The following SH3RF3 variants were observed in gnomAD, a reference collection of about 807,000 sequenced individuals.
SH3RF3 encodes E3 ubiquitin-protein ligase SH3RF3.
A neutral mutation model predicts 66.3 loss-of-function variants in SH3RF3; 29 were observed. That is an observed-to-expected ratio of 0.44 (90% CI 0.33 to 0.60). The LOEUF is 0.60. Ranked by LOEUF, SH3RF3 falls within the 20% of genes least tolerant of loss-of-function variation. The probability of loss-of-function intolerance (pLI) is 0.04; values close to 1 mark genes in which losing one functional copy is unlikely to be tolerated. For synonymous variants in SH3RF3, 583 were observed against 532.0 expected (o/e 1.10, Z -1.32); for missense variants, 1,194 against 1,190.9 (o/e 1.00, Z -0.04).
chr2:109,135,670 G>C (rs769114683), intron 1 of SH3RF3, among the ~76,000 whole-genome samples: 13 of 152,094 alleles, frequency 8.5e-5, no homozygotes, highest in Non-Finnish European at 1.6e-4. Flanking sequence ...ATGTGCATGG[G>C]GGGGTGTGTG....
chr2:109,451,222 CTG>C (rs1677858667), intron 8 of SH3RF3, among the ~76,000 whole-genome samples: 3 of 152,216 alleles, frequency 2.0e-5, no homozygotes, highest in Admixed American at 2.0e-4. Context: ...AACAGCTGCT[CTG>C]TGTTTTGTGT....
At chr2:109,227,056 T>C (rs1679389966) in intron 1 of SH3RF3, among the ~76,000 whole-genome samples, 1 of 152,138 alleles carries the variant, frequency 6.6e-6, no homozygotes, top group African/African-American at 2.4e-5. Context: ...TCTTCATAGG[T>C]GCAAGAGGGC....
chr2:109,256,207 A>G (rs1471357466), intron 1 of SH3RF3, among the ~76,000 whole-genome samples: 1 of 152,204 alleles, frequency 6.6e-6, no homozygotes, highest in Non-Finnish European at 1.5e-5. Flanking sequence ...GGTGAAAGGT[A>G]GACAAGGAAG....
intron 1 of SH3RF3, among the ~76,000 whole-genome samples, chr2:109,315,855 G>A (rs971938098): frequency 1.3e-5 from 2 of 152,190 alleles, no homozygotes; most frequent in African/African-American, 2.4e-5. Context: ...CTGTCAGGAC[G>A]TGATCTAGGC....
chr2:109,448,650 G>C (rs563295856), intron 7 of SH3RF3, among the ~76,000 whole-genome samples: 13 of 152,234 alleles, frequency 8.5e-5, no homozygotes, highest in African/African-American at 2.9e-4. Flanking sequence ...AATAAGCTCA[G>C]GGGTCCTACT....
intron 1 of SH3RF3, among the ~76,000 whole-genome samples, chr2:109,305,591 G>C (rs1681572866): frequency 6.6e-6 from 1 of 152,188 alleles, no homozygotes; most frequent in South Asian, 2.1e-4. Flanking sequence ...TCTCAGCTAA[G>C]CTAAGGGAGA....
chr2:109,371,727 C>T, intron 3 of SH3RF3, 46 bp downstream of exon 3: 1 of 1,540,292 alleles, frequency 6.5e-7, no homozygotes, highest in Non-Finnish European at 8.9e-7. Flanking sequence ...CTTGCCCACC[C>T]TTGTTTCACT....
intron 5 of SH3RF3, among the ~76,000 whole-genome samples, chr2:109,428,179 G>C (rs1677088696): frequency 6.6e-6 from 1 of 152,266 alleles, no homozygotes; most frequent in African/African-American, 2.4e-5. Flanking sequence ...AAAAGTAGAA[G>C]TGGGACTTCT....
At chr2:109,209,374 G>A (rs1370098977) in intron 1 of SH3RF3, among the ~76,000 whole-genome samples, 1 of 152,200 alleles carries the variant, frequency 6.6e-6, no homozygotes, top group African/African-American at 2.4e-5. Context: ...TTCCTAGGAA[G>A]ATGCCCTGAG....
At chr2:109,358,497 C>A (rs950549951) in intron 2 of SH3RF3, among the ~76,000 whole-genome samples, 1 of 152,156 alleles carries the variant, frequency 6.6e-6, no homozygotes, top group Non-Finnish European at 1.5e-5. Context: ...AGTTGCTGGG[C>A]CATTTTGCAT....
At chr2:109,245,382 G>T (rs1450196659) in intron 1 of SH3RF3, among the ~76,000 whole-genome samples, 1 of 152,088 alleles carries the variant, frequency 6.6e-6, no homozygotes, top group East Asian at 1.9e-4. Context: ...CCCTCTTGGT[G>T]CTTTCATGTA....
chr2:109,176,923 G>A (rs1009817044), intron 1 of SH3RF3, among the ~76,000 whole-genome samples: 16 of 152,304 alleles, frequency 1.1e-4, no homozygotes, highest in Non-Finnish European at 2.1e-4. Context: ...GGTGAGACTG[G>A]TGGAAAGGAG....
chr2:109,328,179 A>T (rs553669685), intron 1 of SH3RF3, among the ~76,000 whole-genome samples: 2 of 152,334 alleles, frequency 1.3e-5, no homozygotes, highest in South Asian at 4.1e-4. Context: ...TAGTTGCCTG[A>T]TATTAGTCCA....
At chr2:109,357,205 G>A (rs531696866) in intron 2 of SH3RF3, among the ~76,000 whole-genome samples, 1 of 150,240 alleles carries the variant, frequency 6.7e-6, no homozygotes, top group African/African-American at 2.4e-5. Context: ...TTTTTGAGAC[G>A]GAGTCTTACT....
chr2:109,504,084 C>G lies in SH3RF3; in HGVS notation c.*2413C>G, dbSNP rs527546292. 5.9e-5 allele frequency: 9 copies of G among 152,352 alleles called. No homozygotes were observed. Among genetic ancestry groups the G allele is most frequent in the African/African-American group, 2.2e-4 (9 of 41,572 alleles). The allele number at this position is 152,352 out of a possible 1,614,324, so 9.4% of individuals were successfully genotyped here. A position where few individuals can be genotyped will look rare whatever the true frequency, so the allele number is the denominator to read the frequency against. Reference sequence around the variant, plus strand: ...TGTGCATTTCTGAGTATTTTAAACTCGTTCAGGCCCTGCAGCCTTCATGAT... The same window carrying G: ...TGTGCATTTCTGAGTATTTTAAACTGGTTCAGGCCCTGCAGCCTTCATGAT... On this transcript the variant is annotated 3_prime_UTR_variant, in exon 10 of 10. Transcript: ENST00000309415.
At chr2:109,334,025 T>C (rs1682346225) in intron 1 of SH3RF3, among the ~76,000 whole-genome samples, 2 of 152,174 alleles carry the variant, frequency 1.3e-5, no homozygotes, top group Admixed American at 1.3e-4. Flanking sequence ...TTTAGGAAAG[T>C]CCAGTCGCTT....
At chr2:109,369,709 CCTT>C (rs1413507448) in intron 2 of SH3RF3, among the ~76,000 whole-genome samples, 1 of 152,154 alleles carries the variant, frequency 6.6e-6, no homozygotes, top group Non-Finnish European at 1.5e-5. Flanking sequence ...AGCCTGCCCT[CCTT>C]CTGTGTGATC....
chr2:109,442,075 G>A (rs1164896865), intron 7 of SH3RF3, among the ~76,000 whole-genome samples: 3 of 152,152 alleles, frequency 2.0e-5, no homozygotes, highest in African/African-American at 7.2e-5. Flanking sequence ...ACTTTGGGAG[G>A]CTGAGACGGG....
intron 8 of SH3RF3, among the ~76,000 whole-genome samples, chr2:109,455,401 A>C (rs1573266029): frequency 6.6e-6 from 1 of 152,370 alleles, no homozygotes; most frequent in East Asian, 1.9e-4. Flanking sequence ...TTGGTCTGAA[A>C]GGAACAGAGG....
Sources: allele counts gnomAD v4.1 joint callset (sites outside exome capture counted in the v4.1 genomes callset), GRCh38; gene constraint gnomAD v4.1.1; transcripts MANE v1.5; gene names NCBI Gene and HGNC (gene_info 2026-07-23, HGNC 2026-07-21).